Variants in UBE3C observed in about 807,000 individuals in gnomAD.
The protein encoded by UBE3C is ubiquitin protein ligase E3C.
Under a neutral mutation model 129.4 loss-of-function variants are expected in UBE3C, and 42 were observed. The ratio of observed to expected loss-of-function variants is 0.32; its 90% CI spans 0.25 to 0.42. The LOEUF (loss-of-function observed/expected upper bound fraction) is 0.42, where lower values mean the gene tolerates loss of function less well. Ranked by LOEUF, UBE3C falls within the 10% of genes least tolerant of loss-of-function variation. The probability of loss-of-function intolerance (pLI) is 1.00; values close to 1 mark genes in which losing one functional copy is unlikely to be tolerated. For missense variants in UBE3C, 1,049 were observed against 1,319.1 expected (o/e 0.80, Z 3.17); for synonymous variants, 510 against 492.4 (o/e 1.04, Z -0.47).
rs145907373 is a variant in UBE3C, at chr7:157,214,945, G to A, written c.1810-1922G>A. 3.7e-4 allele frequency among the ~76,000 whole-genome samples: 57 copies of A among 152,300 alleles called. No individual in the cohort carries two copies. The East Asian group carries it at 0.01, about 27-fold the overall frequency. On this transcript the variant is annotated intron_variant, in intron 13 of 22. Transcript: ENST00000348165. ...TGTAAGATGTTGTATGTGCAGCTAA[G>A]CCCCTGAGCAACACCATAGAGTCAA...
At chr7:157,209,953 G>T (rs535132122) in intron 13 of UBE3C, among the ~76,000 whole-genome samples, 1 of 152,324 alleles carries the variant, frequency 6.6e-6, no homozygotes, top group Admixed American at 6.5e-5. Context: ...GGCCAAGGCG[G>T]GTGGATCACG....
At chr7:157,233,291 GGTTT>G (rs2116642637) in intron 18 of UBE3C, among the ~76,000 whole-genome samples, 1 of 152,200 alleles carries the variant, frequency 6.6e-6, no homozygotes, top group African/African-American at 2.4e-5. Flanking sequence ...CACACTTTGG[GGTTT>G]GTTTTTTTCA....
chr7:157,217,656 G>A (rs547407782), intron 14 of UBE3C, among the ~76,000 whole-genome samples: 11 of 151,914 alleles, frequency 7.2e-5, no homozygotes, highest in South Asian at 2.1e-4. Context: ...CCAACATGGC[G>A]AAACCCTGTA....
intron 2 of UBE3C, among the ~76,000 whole-genome samples, chr7:157,166,603 G>A (rs1411839023): frequency 6.6e-6 from 1 of 151,980 alleles, no homozygotes; most frequent in East Asian, 1.9e-4. Context: ...ACCCAGGCAT[G>A]CTGGCGCATG....
At chr7:157,180,927 G>A (rs1200714424) in intron 6 of UBE3C, among the ~76,000 whole-genome samples, 1 of 152,212 alleles carries the variant, frequency 6.6e-6, no homozygotes, top group East Asian at 1.9e-4. Context: ...TGACCCTGGG[G>A]CTCAGGAGCC....
At chr7:157,158,234 G>A (rs1174931046) in intron 1 of UBE3C, among the ~76,000 whole-genome samples, 3 of 151,720 alleles carry the variant, frequency 2.0e-5, no homozygotes, top group African/African-American at 7.3e-5. Context: ...AAAATTCAAA[G>A]GAAACACAAA....
intron 16 of UBE3C, 149 bp downstream of exon 16, chr7:157,223,500 A>T: frequency 3.1e-6 from 2 of 646,780 alleles, no homozygotes; most frequent in South Asian, 5.2e-5. Context: ...GCTAAGAATG[A>T]TTTATAAAAC....
intron 4 of UBE3C, among the ~76,000 whole-genome samples, chr7:157,171,800 G>C (rs10268650): frequency 7.0e-6 from 1 of 142,170 alleles, no homozygotes; most frequent in African/African-American, 2.6e-5. Context: ...TCCGCCTCAC[G>C]GGTTCAAGCG....
chr7:157,207,459 A>G lies in UBE3C; in HGVS notation c.1480A>G (p.Ser494Gly), dbSNP rs1381661649. 1.9e-6 allele frequency: 3 copies of G among 1,614,040 alleles called. No individual in the cohort carries two copies. Among genetic ancestry groups the G allele is most frequent in the Non-Finnish European group, 2.5e-6 (3 of 1,180,018 alleles). Residue 494 changes from serine (S) to glycine (G), a missense_variant, in exon 12 of 23, where the codon AGT (serine) becomes GGT (glycine). By Grantham distance (56) the Ser-to-Gly change is moderately conservative. Coordinates refer to ENST00000348165, the MANE Select transcript of UBE3C (RefSeq NM_014671.3). The stretch of plus-strand genomic sequence containing the variant: ...TTCTCCTATGTCTTTTGAAGATTCT[A>G]GTCGAATCATCCCACTCTTTTATCT... ...RGSPMSFEDS[S>G]RIIPLFYLFS...
At chr7:157,189,196 G>C (rs1325844435) in intron 10 of UBE3C, 1 of 380,922 alleles carries the variant, frequency 2.6e-6, no homozygotes, top group African/African-American at 2.1e-5. Context: ...GAGCAGAAGT[G>C]CTCTTCTGAG....
At chr7:157,207,963 A>G (rs1382081252) in intron 13 of UBE3C, 28 bp downstream of exon 13, 1 of 1,361,450 alleles carries the variant, frequency 7.3e-7, no homozygotes. Flanking sequence ...TTTTTTGTTT[A>G]CTGACATTGA....
chr7:157,259,905 CAGTT>C (rs1478215455), intron 22 of UBE3C, among the ~76,000 whole-genome samples: 1 of 152,174 alleles, frequency 6.6e-6, no homozygotes, highest in African/African-American at 2.4e-5. Context: ...CACAGCATCT[CAGTT>C]AGTGCCCTCA....
At chr7:157,145,320 C>T (rs117161828) in intron 1 of UBE3C, among the ~76,000 whole-genome samples, 5,114 of 152,120 alleles carry the variant, frequency 0.034, 131 homozygotes, top group Middle Eastern at 0.099. Context: ...GAGTTCGAGA[C>T]CAGCCTGGTC....
intron 5 of UBE3C, 55 bp downstream of exon 5, chr7:157,175,089 G>A: frequency 8.2e-7 from 1 of 1,222,006 alleles, no homozygotes. Flanking sequence ...ACCTTGTCTA[G>A]GGGAACACCT....
chr7:157,198,071 A>G, intron 10 of UBE3C: 1 of 1,611,614 alleles, frequency 6.2e-7, no homozygotes, highest in Non-Finnish European at 8.5e-7. Flanking sequence ...CTCCTCTTTT[A>G]ACAAACTCCA....
intron 15 of UBE3C, 120 bp downstream of exon 15, chr7:157,220,896 A>AG: frequency 8.3e-7 from 1 of 1,204,652 alleles, no homozygotes; most frequent in Non-Finnish European, 1.1e-6. Flanking sequence ...TCCCAGCAGG[A>AG]GCTACCATGT....
chr7:157,216,484 T>C (rs1021934823), intron 13 of UBE3C, among the ~76,000 whole-genome samples: 4 of 152,112 alleles, frequency 2.6e-5, no homozygotes, highest in African/African-American at 9.7e-5. Flanking sequence ...AGTAGTCATC[T>C]TCTCTGCCCT....
At chr7:157,245,915 C>A (rs895414433) in intron 18 of UBE3C, among the ~76,000 whole-genome samples, 2 of 137,064 alleles carry the variant, frequency 1.5e-5, no homozygotes, top group East Asian at 2.4e-4. Flanking sequence ...CGCTTGAACT[C>A]GGGAGGCGGA....
intron 21 of UBE3C, 54 bp from the exon 22 acceptor site, chr7:157,256,860 C>T (rs1394467751): frequency 6.2e-7 from 1 of 1,607,704 alleles, no homozygotes. Flanking sequence ...CCTGTGGGTC[C>T]TGAAGGGTGG....
Sources: gnomAD v4.1 joint callset for allele counts (sites outside exome capture counted in the v4.1 genomes callset) on GRCh38, gnomAD v4.1.1 for gene constraint, MANE v1.5 for transcripts, NCBI Gene and HGNC (gene_info 2026-07-23, HGNC 2026-07-21) for gene names.